The following PARN variants were observed in gnomAD, a reference collection of about 807,000 sequenced individuals.
PARN encodes the protein poly(A)-specific ribonuclease PARN.
In PARN, 71 loss-of-function variants were observed where a neutral mutation model predicts 102.8. That is an observed-to-expected ratio of 0.69 (90% CI 0.57 to 0.84). The LOEUF (loss-of-function observed/expected upper bound fraction) is 0.84. Ranked by LOEUF, PARN falls within the 40% of genes least tolerant of loss-of-function variation. PARN has a pLI of 0.00. For missense variants in PARN, 782 were observed against 760.9 expected, an observed-to-expected ratio of 1.03 and a Z score of -0.33; for synonymous variants, 261 against 252.9, an observed-to-expected ratio of 1.03 and a Z score of -0.30.
chr16:14,489,623 G>A (rs1963950244), intron 21 of PARN, among the ~76,000 whole-genome samples: 1 of 152,162 alleles, frequency 6.6e-6, no homozygotes, highest in Non-Finnish European at 1.5e-5. Context: ...CACATGTGGT[G>A]TAAATGCGTA....
chr16:14,527,133 T>C (rs768827786), intron 21 of PARN, among the ~76,000 whole-genome samples: 33 of 152,358 alleles, frequency 2.2e-4, no homozygotes, highest in Non-Finnish European at 4.3e-4. Context: ...GGAGTCACTC[T>C]TAAAGTTCCA....
intron 21 of PARN, among the ~76,000 whole-genome samples, chr16:14,507,686 A>G (rs968279506): frequency 3.3e-5 from 5 of 152,166 alleles, no homozygotes; most frequent in African/African-American, 1.2e-4. Context: ...GAAAAAAAAA[A>G]GAGGCCAAGT....
intron 21 of PARN, among the ~76,000 whole-genome samples, chr16:14,535,001 A>T (rs1966550466): frequency 6.6e-6 from 1 of 151,944 alleles, no homozygotes; most frequent in Non-Finnish European, 1.5e-5. Flanking sequence ...TGCCCGGCTA[A>T]TTTTGTATTT....
chr16:14,601,099 G>A (rs2151782084), intron 11 of PARN, among the ~76,000 whole-genome samples: 1 of 152,260 alleles, frequency 6.6e-6, no homozygotes, highest in East Asian at 1.9e-4. Flanking sequence ...ATATTACCCA[G>A]CAATTCCATT....
intron 22 of PARN, among the ~76,000 whole-genome samples, chr16:14,456,200 G>A (rs1961672734): frequency 6.6e-6 from 1 of 150,752 alleles, no homozygotes; most frequent in Admixed American, 6.6e-5. Context: ...GATGGGGTCT[G>A]GCTCTCTCAC....
chr16:14,442,843 G>A (rs1322976956), intron 23 of PARN, among the ~76,000 whole-genome samples: 1 of 152,206 alleles, frequency 6.6e-6, no homozygotes, highest in Non-Finnish European at 1.5e-5. Flanking sequence ...CCTGACCCAA[G>A]GTGGTGGACT....
chr16:14,470,620 G>A (rs975190173), intron 22 of PARN, among the ~76,000 whole-genome samples: 4 of 149,554 alleles, frequency 2.7e-5, no homozygotes, highest in Non-Finnish European at 5.9e-5. Context: ...CAACACACCC[G>A]GCTAACTTTT....
intron 21 of PARN, among the ~76,000 whole-genome samples, chr16:14,506,634 G>A (rs948344382): frequency 6.6e-6 from 1 of 152,222 alleles, no homozygotes; most frequent in African/African-American, 2.4e-5. Flanking sequence ...TGTCTGCAGA[G>A]AGGGAGACAG....
At chr16:14,617,673 CAT>C (rs747217739) in intron 5 of PARN, 23 bp from the exon 6 acceptor site, 10 of 1,472,054 alleles carry the variant, frequency 6.8e-6, no homozygotes, top group South Asian at 2.3e-5. Context: ...AAACAGAACA[CAT>C]GTTTTGGGGA....
intron 20 of PARN, among the ~76,000 whole-genome samples, chr16:14,552,768 G>A (rs182086336): frequency 1.6e-4 from 25 of 152,206 alleles, no homozygotes; most frequent in African/African-American, 6.0e-4. Context: ...GACCAACATG[G>A]AGAAACCCCA....
At chr16:14,592,204 T>C (rs1018056340) in intron 13 of PARN, 1 of 152,128 alleles carries the variant, frequency 6.6e-6, no homozygotes, top group Non-Finnish European at 1.5e-5. Context: ...AGAAGTGGTT[T>C]GGAGACAGTA....
At chr16:14,442,734 C>T (rs1302216515) in intron 23 of PARN, among the ~76,000 whole-genome samples, 1 of 152,170 alleles carries the variant, frequency 6.6e-6, no homozygotes, top group African/African-American at 2.4e-5. Flanking sequence ...TCTCCTGCCT[C>T]AGCCTCCCAA....
intron 21 of PARN, among the ~76,000 whole-genome samples, chr16:14,488,459 G>T (rs909153805): frequency 6.6e-6 from 1 of 152,142 alleles, no homozygotes; most frequent in Admixed American, 6.6e-5. Context: ...CTATAAACTG[G>T]AAGAAGATAT....
intron 16 of PARN, among the ~76,000 whole-genome samples, chr16:14,582,943 C>G (rs1487351552): frequency 6.6e-6 from 1 of 152,044 alleles, no homozygotes; most frequent in Non-Finnish European, 1.5e-5. Flanking sequence ...CAACCCTCCC[C>G]CAAAAAAAGA....
At chr16:14,459,032 T>C (rs1328127883) in intron 22 of PARN, among the ~76,000 whole-genome samples, 1 of 151,866 alleles carries the variant, frequency 6.6e-6, no homozygotes, top group African/African-American at 2.4e-5. Context: ...CATCAATCTC[T>C]AAAAAAAACT....
intron 9 of PARN, 171 bp downstream of exon 9, chr16:14,608,109 TA>T: frequency 1.6e-6 from 1 of 626,238 alleles, no homozygotes; most frequent in South Asian, 2.0e-5. Context: ...TAAAAAACAA[TA>T]ACAAAAGAAA....
intron 22 of PARN, among the ~76,000 whole-genome samples, chr16:14,482,266 G>A (rs1296052352): frequency 6.6e-6 from 1 of 152,028 alleles, no homozygotes; most frequent in African/African-American, 2.4e-5. Context: ...GTGGTGGTGC[G>A]TACCTGTAGT....
At chr16:14,557,544 CA>C (rs1967770484) in intron 18 of PARN, among the ~76,000 whole-genome samples, 1 of 88,392 alleles carries the variant, frequency 1.1e-5, no homozygotes, top group African/African-American at 4.6e-5. Context: ...GCGACAAGAG[CA>C]AAACTCTGCC....
chr16:14,535,355 A>C (rs1161535672), intron 21 of PARN, among the ~76,000 whole-genome samples: 1 of 152,236 alleles, frequency 6.6e-6, no homozygotes, highest in Non-Finnish European at 1.5e-5. Context: ...CTCTGGTATT[A>C]AAGTGATGTT....
Sources: gnomAD v4.1 joint callset for allele counts (sites outside exome capture counted in the v4.1 genomes callset) on GRCh38, gnomAD v4.1.1 for gene constraint, MANE v1.5 for transcripts, NCBI Gene and HGNC (gene_info 2026-07-23, HGNC 2026-07-21) for gene names.